R3HCC1L: variants seen among roughly 807,000 people sequenced by gnomAD.
The protein encoded by R3HCC1L is coiled-coil domain-containing protein R3HCC1L.
R3HCC1L carries 51 observed loss-of-function variants against 59.9 expected under a neutral mutation model. That is an observed-to-expected ratio of 0.85 (90% CI 0.68 to 1.07). The LOEUF is 1.07. R3HCC1L is among the 50% of genes least tolerant of loss of function. The probability of loss-of-function intolerance (pLI) is 0.00; values close to 1 mark genes in which losing one functional copy is unlikely to be tolerated. For synonymous variants in R3HCC1L, 322 were observed against 315.2 expected (o/e 1.02, Z -0.23); for missense variants, 965 against 933.0 (o/e 1.03, Z -0.45).
Position 98,244,354 on chromosome 10 carries a change from A to T in R3HCC1L, c.*196A>T. 1.9e-6 allele frequency: 1 copy of T among 517,660 alleles called. No individual in the cohort carries two copies. Among genetic ancestry groups the T allele is most frequent in the Non-Finnish European group, 3.4e-6 (1 of 290,502 alleles). The allele number at this position is 517,660 out of a possible 1,614,324, so 32.1% of individuals were successfully genotyped here. Reference sequence around the variant, plus strand: ...CTCCTAAATGCAGTTCTTTGGAATCACCCTACTGTGGTGGGCGTAGTAGGG... The same window carrying T: ...CTCCTAAATGCAGTTCTTTGGAATCTCCCTACTGTGGTGGGCGTAGTAGGG... On this transcript the variant is annotated 3_prime_UTR_variant, in exon 10 of 10. Coordinates refer to ENST00000298999, the MANE Select transcript of R3HCC1L (RefSeq NM_001351015.2).
intron 5 of R3HCC1L, among the ~76,000 whole-genome samples, chr10:98,218,760 T>A (rs191709929): frequency 6.6e-6 from 1 of 152,214 alleles, no homozygotes; most frequent in Non-Finnish European, 1.5e-5. Flanking sequence ...TGTCCAATGC[T>A]GAGAGTGGGA....
At chr10:98,159,689 T>C (rs780042223) in intron 2 of R3HCC1L, among the ~76,000 whole-genome samples, 1 of 152,204 alleles carries the variant, frequency 6.6e-6, no homozygotes, top group Non-Finnish European at 1.5e-5. Flanking sequence ...TTTGACACTG[T>C]CCCTGACTTG....
intron 5 of R3HCC1L, among the ~76,000 whole-genome samples, chr10:98,214,011 C>T (rs540799657): frequency 1.3e-5 from 2 of 152,168 alleles, no homozygotes; most frequent in African/African-American, 2.4e-5. Context: ...GATCTCTGGT[C>T]CAAACAGAAA....
intron 9 of R3HCC1L, among the ~76,000 whole-genome samples, chr10:98,237,422 G>T (rs1857081624): frequency 6.6e-6 from 1 of 152,154 alleles, no homozygotes. Flanking sequence ...ATGCTTCTCT[G>T]TGGGTGTATA....
rs533801053 is a variant in R3HCC1L at position 98,168,597 on chromosome 10, G to A, written c.-15+5200G>A. On this transcript the variant is annotated intron_variant, in intron 4 of 9. Transcript: ENST00000298999. ...TTCATGAAATGTTTCTTCCAGTTGT[G>A]CAAGCTGTATTCTTTGTCCAGCTGC... is the stretch of plus-strand genomic sequence containing the variant. Among the ~76,000 whole-genome samples, 6 of 152,232 alleles carry A rather than the reference G, an allele frequency of 3.9e-5. No individual in the cohort carries two copies. The East Asian group carries it at 1.2e-3, about 29-fold the overall frequency.
intron 2 of R3HCC1L, among the ~76,000 whole-genome samples, chr10:98,161,850 T>C (rs1847448560): frequency 6.6e-6 from 1 of 152,152 alleles, no homozygotes. Context: ...TCCTGACTAT[T>C]CTTGCATGTC....
intron 1 of R3HCC1L, among the ~76,000 whole-genome samples, chr10:98,139,599 C>T (rs1844933645): frequency 6.6e-6 from 1 of 152,126 alleles, no homozygotes; most frequent in Non-Finnish European, 1.5e-5. Flanking sequence ...TTGGGGAACT[C>T]CTAAGAGCTT....
chr10:98,142,801 G>A (rs555794219), intron 1 of R3HCC1L, among the ~76,000 whole-genome samples: 3 of 152,150 alleles, frequency 2.0e-5, no homozygotes, highest in East Asian at 1.9e-4. Context: ...CAGGTCTGGC[G>A]ACATGTGCCT....
chr10:98,194,405 A>G (rs865841460), intron 4 of R3HCC1L, among the ~76,000 whole-genome samples: 4 of 152,312 alleles, frequency 2.6e-5, no homozygotes, highest in Middle Eastern at 3.4e-3. Flanking sequence ...TTTCTTGCAT[A>G]TGACATCAAA....
chr10:98,175,530 T>A (rs1391438606), intron 4 of R3HCC1L, among the ~76,000 whole-genome samples: 8 of 152,308 alleles, frequency 5.3e-5, no homozygotes, highest in Non-Finnish European at 4.4e-5. Context: ...TCTACAGTTT[T>A]GTATTTTCCA....
At chr10:98,225,251 A>G (rs918114889) in intron 5 of R3HCC1L, among the ~76,000 whole-genome samples, 7 of 152,152 alleles carry the variant, frequency 4.6e-5, no homozygotes, top group African/African-American at 1.7e-4. Context: ...AAAGCTTCCC[A>G]TACTGCCATG....
rs376653191 is a variant in R3HCC1L at position 98,213,232 on chromosome 10, G to A, written c.1785+3333G>A. Among the ~76,000 whole-genome samples, 7 of 152,262 alleles carry A rather than the reference G, an allele frequency of 4.6e-5. No homozygotes were observed. In the South Asian group the frequency reaches 1.0e-3, roughly 23 times the overall value. Reference sequence around the variant, plus strand: ...GTTGGTAGCCCATCACCTTTCAGTTGAATAGCAAATATTGAACACTTAGAG... The same window carrying A: ...GTTGGTAGCCCATCACCTTTCAGTTAAATAGCAAATATTGAACACTTAGAG... On this transcript the variant is annotated intron_variant, in intron 5 of 9. Transcript: ENST00000298999.
intron 8 of R3HCC1L, 21 bp from the exon 9 acceptor site, chr10:98,236,003 C>A: frequency 1.2e-6 from 2 of 1,608,906 alleles, no homozygotes; most frequent in Non-Finnish European, 1.7e-6. Flanking sequence ...CCTTCCTACT[C>A]CCTTCCTTTC....
chr10:98,147,748 A>G (rs535802703), intron 1 of R3HCC1L, among the ~76,000 whole-genome samples: 4 of 152,094 alleles, frequency 2.6e-5, no homozygotes, highest in East Asian at 3.9e-4. Context: ...TGGATTCTCT[A>G]TTTTGTCCCA....
chr10:98,194,521 G>A (rs1278542691), intron 4 of R3HCC1L, among the ~76,000 whole-genome samples: 1 of 152,090 alleles, frequency 6.6e-6, no homozygotes, highest in Non-Finnish European at 1.5e-5. Context: ...CAAATAAACA[G>A]TTGTCAGAGT....
chr10:98,240,157 T>A (rs1252232524), intron 9 of R3HCC1L, among the ~76,000 whole-genome samples: 3 of 151,978 alleles, frequency 2.0e-5, no homozygotes, highest in Non-Finnish European at 4.4e-5. Flanking sequence ...AATAGAAAAA[T>A]TAGCCGGGCA....
At chr10:98,150,159 C>A (rs993888524) in intron 1 of R3HCC1L, among the ~76,000 whole-genome samples, 8 of 152,116 alleles carry the variant, frequency 5.3e-5, no homozygotes, top group African/African-American at 1.9e-4. Flanking sequence ...CTATTTCAAT[C>A]TCTTTGTTAA....
intron 4 of R3HCC1L, among the ~76,000 whole-genome samples, chr10:98,196,358 AAC>A (rs1851431382): frequency 6.6e-6 from 1 of 152,164 alleles, no homozygotes; most frequent in Non-Finnish European, 1.5e-5. Flanking sequence ...TTCCAGTGTT[AAC>A]GACAACCCCA....
chr10:98,153,082 A>G (rs1320715784), intron 1 of R3HCC1L, among the ~76,000 whole-genome samples: 5 of 151,472 alleles, frequency 3.3e-5, no homozygotes, highest in African/African-American at 4.9e-5. Context: ...AGGAGCCCCT[A>G]TACCCGGCCA....
Sources: gnomAD v4.1 joint callset for allele counts (sites outside exome capture counted in the v4.1 genomes callset) on GRCh38, gnomAD v4.1.1 for gene constraint, MANE v1.5 for transcripts, NCBI Gene and HGNC (gene_info 2026-07-23, HGNC 2026-07-21) for gene names.